The following CDKN1A variants were observed in gnomAD, a reference collection of about 807,000 sequenced individuals.
CDKN1A encodes cyclin-dependent kinase inhibitor 1.
A neutral mutation model predicts 14.8 loss-of-function variants in CDKN1A; 14 were observed. That is an observed-to-expected ratio of 0.94 (90% CI 0.62 to 1.48). The LOEUF (loss-of-function observed/expected upper bound fraction) is 1.48, where lower values mean the gene tolerates loss of function less well. CDKN1A is among the 40% of genes most tolerant of loss of function. The pLI is 0.00. For missense variants in CDKN1A, 203 were observed against 231.7 expected (o/e 0.88, Z 0.80); for synonymous variants, 92 against 93.5 (o/e 0.98, Z 0.09).
chr6:36,678,977 C>T lies in CDKN1A; in HGVS notation c.-6+179C>T. 1 of 980,392 alleles carries T rather than the reference C, an allele frequency of 1.0e-6. No homozygotes were observed. Among genetic ancestry groups the T allele is most frequent in the Non-Finnish European group, 1.2e-6 (1 of 827,978 alleles). 60.7% of individuals were successfully genotyped at this position (980,392 alleles called of 1,614,324 possible). On this transcript the variant is annotated intron_variant, in intron 1 of 2. Transcript: ENST00000244741. The surrounding 1 kb of genome is among the most constrained non-coding windows in gnomAD (Gnocchi z 5.7). Reference sequence around the variant, plus strand: ...CGTGGGTCGGTGCGCGCTCGGCTTGCGCACACGGTGTCTCTAAGTGCGCGG... The same window carrying T: ...CGTGGGTCGGTGCGCGCTCGGCTTGTGCACACGGTGTCTCTAAGTGCGCGG...
rs41272170 is a variant in CDKN1A, at chr6:36,685,833, G to T, written c.*33G>T. 5 of 1,601,940 alleles carry T rather than the reference G, an allele frequency of 3.1e-6. No homozygotes were observed. The highest frequency in any genetic ancestry group is 1.3e-5 in the African/African-American group (1 of 74,628). On this transcript the variant is annotated 3_prime_UTR_variant, in exon 3 of 3. Coordinates refer to ENST00000244741, the MANE Select transcript of CDKN1A (RefSeq NM_000389.5). Reference sequence around the variant, plus strand: ...ACAGGAAGCCTGCAGTCCTGGAAGCGCGAGGGCCTCAAAGGCCCGCTCTAC... The same window carrying T: ...ACAGGAAGCCTGCAGTCCTGGAAGCTCGAGGGCCTCAAAGGCCCGCTCTAC...
Position 36,684,346 on chromosome 6 carries a change from C to T in CDKN1A, c.245C>T (p.Pro82Leu), listed in dbSNP as rs764586698. ...CCCAAGCTCTACCTTCCCACGGGGC[C>T]CCGGCGAGGCCGGGATGAGTTGGGA... is the stretch of plus-strand genomic sequence containing the variant. ...GLPKLYLPTG[P>L]RRGRDELGGG... Residue 82 changes from proline (P) to leucine (L), a missense_variant, in exon 2 of 3, where the codon CCC becomes CTC. Physicochemically the swap from Pro to Leu is moderately conservative, Grantham distance 98 (BLOSUM62 -3). Transcript: ENST00000244741. The surrounding 1 kb of genome is among the most constrained non-coding windows in gnomAD (Gnocchi z 6.0). 1 of 1,613,450 alleles carries T rather than the reference C, an allele frequency of 6.2e-7. No individual in the cohort carries two copies. Among genetic ancestry groups the T allele is most frequent in the Non-Finnish European group, 8.5e-7 (1 of 1,179,940 alleles).
upstream of CDKN1A, chr6:36,677,862 C>A (rs1383116251): frequency 7.9e-5 from 108 of 1,366,870 alleles, no homozygotes; most frequent in Non-Finnish European, 9.9e-5. Flanking sequence ...AGGAGACAGA[C>A]AACTCACTCG....
intron 1 of CDKN1A, 107 bp from the exon 2 acceptor site, chr6:36,683,990 C>A (rs1582580329): frequency 9.3e-7 from 1 of 1,069,604 alleles, no homozygotes; most frequent in Admixed American, 2.0e-5. Context: ...GTGAGAGAGA[C>A]CCTCTGGTAG....
At chr6:36,677,343 G>A (rs1324396242), upstream of CDKN1A, among the ~76,000 whole-genome samples, 2 of 152,188 alleles carry the variant, frequency 1.3e-5, no homozygotes, top group East Asian at 3.8e-4. Flanking sequence ...AGAAGACTGG[G>A]CATGTCTGGG....
In CDKN1A at chr6:36,684,832, G is replaced by A. The variant is rs1257433484; in HGVS notation, c.445+286G>A. 6.6e-6 allele frequency among the ~76,000 whole-genome samples: 1 copy of A among 152,166 alleles called. No homozygotes were observed. The highest frequency in any genetic ancestry group is 1.5e-5 in the Non-Finnish European group (1 of 68,024). ...TAACATAAGACATTCTTGTCACCCT[G>A]CCCGCCTTTCTTTTTGAGACAGGTG... is the stretch of plus-strand genomic sequence containing the variant. On this transcript the variant is annotated intron_variant, in intron 2 of 2. Coordinates refer to ENST00000244741, the MANE Select transcript of CDKN1A (RefSeq NM_000389.5). The surrounding 1 kb of genome is among the most constrained non-coding windows in gnomAD (Gnocchi z 6.0).
At chr6:36,683,284 A>G (rs936227295) in intron 1 of CDKN1A, among the ~76,000 whole-genome samples, 1 of 152,206 alleles carries the variant, frequency 6.6e-6, no homozygotes, top group Admixed American at 6.5e-5. Context: ...TTGCTTGCCC[A>G]GGGTCACCTA....
rs1466307839 is a variant in CDKN1A, at chr6:36,684,401, T to C, written c.300T>C (p.Ala100=). The C allele has an allele frequency of 6.2e-7, 1 of 1,613,518 alleles. No individual in the cohort carries two copies. Among genetic ancestry groups the C allele is most frequent in the Non-Finnish European group, 8.5e-7 (1 of 1,179,798 alleles). ...GGGRRPGTSP[A]LLQGTAEEDH... is the part of the protein sequence containing the mutation. ...GCAGGCGGCCTGGCACCTCACCTGC[T>C]CTGCTGCAGGGGACAGCAGAGGAAG... Residue 100 remains alanine (A), a synonymous_variant, in exon 2 of 3, where the codon GCT becomes GCC. Transcript: ENST00000244741. This position sits in a 1 kb window ranked among gnomAD's most constrained non-coding sequence, Gnocchi z 6.0.
chr6:36,680,340 G>GTGTGTGTGTCTGTGTC (rs1310329037), intron 1 of CDKN1A: 6 of 148,126 alleles, frequency 4.1e-5, no homozygotes, highest in African/African-American at 1.3e-4. Flanking sequence ...GTGTGTGTGT[G>GTGTGTGTGTCTGTGTC]TGTGTCTGTG....
chr6:36,686,670 C>T lies in CDKN1A; in HGVS notation c.*870C>T. The T allele has an allele frequency of 4.3e-6, 1 of 234,018 alleles. No individual in the cohort carries two copies. Among genetic ancestry groups the T allele is most frequent in the Non-Finnish European group, 8.5e-6 (1 of 118,310 alleles). 14.5% of individuals were successfully genotyped at this position (234,018 alleles called of 1,614,324 possible). On this transcript the variant is annotated 3_prime_UTR_variant, in exon 3 of 3. Transcript: ENST00000244741. This position sits in a 1 kb window ranked among gnomAD's most constrained non-coding sequence, Gnocchi z 4.9. ...CTCAGCTCCAGGTGGCTCTGAGGTGCCTGTCCCACCCCCACCCCCAGCTCA... is the reference window on the plus strand; with the variant it reads ...CTCAGCTCCAGGTGGCTCTGAGGTGTCTGTCCCACCCCCACCCCCAGCTCA...
chr6:36,682,018 TA>T (rs978069921), intron 1 of CDKN1A, among the ~76,000 whole-genome samples: 4 of 152,200 alleles, frequency 2.6e-5, no homozygotes, highest in African/African-American at 9.7e-5. Flanking sequence ...GTATTAGGAT[TA>T]CAGGCATAAG....
At chr6:36,680,800 G>C (rs1761914385) in intron 1 of CDKN1A, 1 of 152,238 alleles carries the variant, frequency 6.6e-6, no homozygotes, top group African/African-American at 2.4e-5. Flanking sequence ...TTAAAATATG[G>C]CTGAAGTCTA....
intron 2 of CDKN1A, among the ~76,000 whole-genome samples, chr6:36,685,534 G>A (rs1032673083): frequency 3.9e-5 from 6 of 152,184 alleles, no homozygotes; most frequent in Admixed American, 2.0e-4. Context: ...GTGCGGGTGC[G>A]GTGATGGATA....
At chr6:36,681,632 A>G (rs1417371418) in intron 1 of CDKN1A, among the ~76,000 whole-genome samples, 86 of 118,330 alleles carry the variant, frequency 7.3e-4, no homozygotes, top group Middle Eastern at 6.8e-3. Flanking sequence ...TCGCTCTGTC[A>G]CCCAGGCTGG....
At chr6:36,681,570 C>T (rs12204375) in intron 1 of CDKN1A, among the ~76,000 whole-genome samples, 3 of 148,096 alleles carry the variant, frequency 2.0e-5, no homozygotes, top group Non-Finnish European at 3.0e-5. Context: ...GTGATCCCCC[C>T]GCCCCCATGC....
chr6:36,683,438 A>G (rs1237335448), intron 1 of CDKN1A, among the ~76,000 whole-genome samples: 2 of 152,210 alleles, frequency 1.3e-5, no homozygotes, highest in Non-Finnish European at 2.9e-5. Flanking sequence ...GTCTGTAGCC[A>G]TGCTCTTTAA....
At chr6:36,682,994 C>A (rs557000193) in intron 1 of CDKN1A, among the ~76,000 whole-genome samples, 1 of 152,198 alleles carries the variant, frequency 6.6e-6, no homozygotes, top group African/African-American at 2.4e-5. Context: ...CTAGGCCACC[C>A]GCCTGACGAC....
At chr6:36,681,350 C>CTT (rs1374870967) in intron 1 of CDKN1A, among the ~76,000 whole-genome samples, 2 of 92,306 alleles carry the variant, frequency 2.2e-5, no homozygotes, top group East Asian at 6.3e-4. Context: ...TTCTTTCTTT[C>CTT]TTTTTCTTTC....
intron 1 of CDKN1A, among the ~76,000 whole-genome samples, chr6:36,682,248 A>G (rs940764616): frequency 4.6e-5 from 7 of 152,258 alleles, no homozygotes; most frequent in African/African-American, 1.7e-4. Flanking sequence ...GGGAGCTAAT[A>G]GATATCCACT....
Sources: allele counts gnomAD v4.1 joint callset (sites outside exome capture counted in the v4.1 genomes callset), GRCh38; gene constraint gnomAD v4.1.1; non-coding constraint Gnocchi (gnomAD v3.1); transcripts MANE v1.5; gene names NCBI Gene and HGNC (gene_info 2026-07-23, HGNC 2026-07-21).